The following STYXL1 variants were observed in gnomAD, a reference collection of about 807,000 sequenced individuals.
STYXL1 encodes serine/threonine/tyrosine interacting like 1, also known as serine/threonine/tyrosine-interacting-like protein 1.
In STYXL1, 32 loss-of-function variants were observed where a neutral mutation model predicts 36.4. That is an observed-to-expected ratio of 0.88 (90% CI 0.66 to 1.18). The LOEUF is 1.18. Ranked by LOEUF, STYXL1 falls within the 50% of genes most tolerant of loss-of-function variation. The pLI is 0.00. For synonymous variants in STYXL1, 133 were observed against 144.1 expected, an observed-to-expected ratio of 0.92 and a Z score of 0.55; for missense variants, 354 against 394.1, an observed-to-expected ratio of 0.90 and a Z score of 0.86.
At chr7:76,013,591 AT>A in intron 5 of STYXL1, 150 bp downstream of exon 5, 1 of 1,133,402 alleles carries the variant, frequency 8.8e-7, no homozygotes, top group Non-Finnish European at 1.3e-6. Context: ...CGCCCAGCTA[AT>A]TTTTGTGTTT....
rs782245806 is a variant in STYXL1, at chr7:76,046,274, CTGTGTGTGTG to C, written c.-5+1378_-5+1387del. Among the ~76,000 whole-genome samples, 387 of 102,942 alleles carry C rather than the reference CTGTGTGTGTG, an allele frequency of 3.8e-3. 2 individuals carry two copies. The highest frequency in any genetic ancestry group is 0.011 in the African/African-American group (251 of 22,764). 67.5% of individuals were successfully genotyped at this position (102,942 alleles called of 152,430 possible). On this transcript the variant is annotated intron_variant, in intron 1 of 8. Coordinates refer to ENST00000359697, the MANE Select transcript of STYXL1 (RefSeq NM_001317785.2). ...CTTCCAGCATGTCTCAGCTTATCTG[CTGTGTGTGTG>C]TGTGTGTGTGTGTGTGTGTGTGTGT... is the stretch of plus-strand genomic sequence containing the variant.
intron 8 of STYXL1, 129 bp from the exon 9 acceptor site, chr7:75,996,728 A>G (rs1038934749): frequency 8.2e-6 from 7 of 854,152 alleles, no homozygotes; most frequent in Non-Finnish European, 1.3e-5. Flanking sequence ...GGCTGGATGC[A>G]GAAACAGGGC....
At chr7:76,012,128 T>A (rs1025768776) in intron 5 of STYXL1, among the ~76,000 whole-genome samples, 1 of 152,158 alleles carries the variant, frequency 6.6e-6, no homozygotes, top group Non-Finnish European at 1.5e-5. Context: ...GGTGAAACCC[T>A]GTCTCTACTA....
chr7:76,041,971 T>G (rs1554582253), intron 1 of STYXL1, among the ~76,000 whole-genome samples: 4 of 152,234 alleles, frequency 2.6e-5, no homozygotes, highest in African/African-American at 9.6e-5. Flanking sequence ...ACTTGAGACC[T>G]ATATACTTCA....
chr7:76,021,725 C>CAA lies in STYXL1; in HGVS notation c.307+124_307+125dup, dbSNP rs1256103132. The CAA allele has an allele frequency of 4.1e-6, 3 of 734,270 alleles. No homozygotes were observed. The Admixed American group carries it at 6.4e-5, about 16-fold the overall frequency. 45.5% of individuals were successfully genotyped at this position (734,270 alleles called of 1,614,324 possible). A position where few individuals can be genotyped will look rare whatever the true frequency, so the allele number is the denominator to read the frequency against. The stretch of plus-strand genomic sequence containing the variant: ...TGATCATGAAGCTCTTTTTCTGACG[C>CAA]AAACCCTGCTGTCTCAGTGTCATTG... On this transcript the variant is annotated intron_variant, in intron 4 of 8. Transcript: ENST00000359697.
At chr7:76,041,790 A>G (rs1249389605) in intron 1 of STYXL1, among the ~76,000 whole-genome samples, 2 of 152,240 alleles carry the variant, frequency 1.3e-5, no homozygotes, top group Non-Finnish European at 2.9e-5. Context: ...ATATTTTCCT[A>G]TCCGATGACA....
At chr7:76,041,729 T>C (rs188357995) in intron 1 of STYXL1, among the ~76,000 whole-genome samples, 1 of 152,346 alleles carries the variant, frequency 6.6e-6, no homozygotes. Context: ...ATCTCAAGCA[T>C]TCTGTGACAG....
At chr7:76,012,220 C>T (rs1025622957) in intron 5 of STYXL1, among the ~76,000 whole-genome samples, 2 of 152,242 alleles carry the variant, frequency 1.3e-5, no homozygotes, top group East Asian at 1.9e-4. Flanking sequence ...AATCCTCCTG[C>T]CTTGGCCTCC....
chr7:76,000,218 CAAAAAAAAAAAA>C (rs35153306), intron 8 of STYXL1, among the ~76,000 whole-genome samples: 21 of 69,456 alleles, frequency 3.0e-4, no homozygotes, highest in South Asian at 1.1e-3. Context: ...GACTCCATCT[CAAAAAAAAAAAA>C]AAAAAAAAAA....
intron 8 of STYXL1, among the ~76,000 whole-genome samples, chr7:75,997,545 G>GA (rs1231376284): frequency 2.0e-5 from 3 of 152,152 alleles, no homozygotes; most frequent in African/African-American, 7.2e-5. Context: ...CTAAGATCGG[G>GA]AACAAGGCAA....
At chr7:76,005,214 T>TAA in intron 6 of STYXL1, 45 bp downstream of exon 6, 1 of 1,123,980 alleles carries the variant, frequency 8.9e-7, no homozygotes, top group Non-Finnish European at 1.1e-6. Flanking sequence ...AAATATTATA[T>TAA]AAAAAATAAA....
At position 76,013,785 on chromosome 7, in the gene STYXL1, G is replaced by A. The variant is rs782646288; in HGVS notation, c.410C>T (p.Thr137Met). 2.4e-5 allele frequency: 38 copies of A among 1,613,862 alleles called. No individual in the cohort carries two copies. The highest frequency in any genetic ancestry group is 1.6e-4 in the African/African-American group (12 of 74,888). ...CTTCTGGGTCCGGAGAAAGTGGTAC[G>A]TGCCTGAGAAGCGCTCATAGCCCCC... ...LKGGYERFSG[T>M]YHFLRTQKII... Residue 137 changes from threonine (T) to methionine (M), a missense_variant, in exon 5 of 9, where the codon ACG becomes ATG. Transcript: ENST00000359697.
At chr7:76,013,087 A>G (rs1792777322) in intron 5 of STYXL1, among the ~76,000 whole-genome samples, 1 of 152,186 alleles carries the variant, frequency 6.6e-6, no homozygotes, top group South Asian at 2.1e-4. Context: ...CACTTTGGAA[A>G]GCCGAGGCAG....
At chr7:76,046,185 T>G (rs1289028036) in intron 1 of STYXL1, among the ~76,000 whole-genome samples, 3 of 152,180 alleles carry the variant, frequency 2.0e-5, no homozygotes, top group Admixed American at 6.5e-5. Context: ...TTGAGAATTC[T>G]GATTCCAAGG....
intron 8 of STYXL1, among the ~76,000 whole-genome samples, chr7:75,997,786 T>C (rs1554564566): frequency 6.6e-6 from 1 of 152,022 alleles, no homozygotes; most frequent in African/African-American, 2.4e-5. Flanking sequence ...AAAACCAACA[T>C]GCAAAAATTA....
intron 5 of STYXL1, among the ~76,000 whole-genome samples, chr7:76,011,486 A>C (rs1792546911): frequency 6.6e-6 from 1 of 152,222 alleles, no homozygotes; most frequent in Non-Finnish European, 1.5e-5. Flanking sequence ...TTGCCCAGTC[A>C]TTCTATACTA....
In STYXL1 at chr7:76,026,192, C is replaced by CAAAAAAAAAAAAA. The variant is rs1159067824; in HGVS notation, c.165+2437_165+2449dup. Reference sequence around the variant, plus strand: ...GGAGGACAGAGCAAGACTCTGTCTCCAAAAAAAAAAAAAAAAAAAAAAAAA... The same window carrying CAAAAAAAAAAAAA: ...GGAGGACAGAGCAAGACTCTGTCTCCAAAAAAAAAAAAAAAAAAAAAAAAAAAAAAAAAAAAAA... On this transcript the variant is annotated intron_variant, in intron 3 of 8. Coordinates refer to ENST00000359697, the MANE Select transcript of STYXL1 (RefSeq NM_001317785.2). Among the ~76,000 whole-genome samples, 12 of 18,624 alleles carry CAAAAAAAAAAAAA rather than the reference C, an allele frequency of 6.4e-4. 4 individuals carry two copies. Among genetic ancestry groups the CAAAAAAAAAAAAA allele is most frequent in the African/African-American group, 7.1e-4 (3 of 4,216 alleles). The allele number at this position is 18,624 out of a possible 152,430, so 12.2% of individuals were successfully genotyped here.
chr7:76,006,165 G>C (rs1267048094), intron 5 of STYXL1, among the ~76,000 whole-genome samples: 3 of 151,992 alleles, frequency 2.0e-5, no homozygotes, highest in Admixed American at 6.6e-5. Flanking sequence ...TTATCTTCCT[G>C]GGCTCAAATG....
In STYXL1 at chr7:75,998,355, T is replaced by C. The variant is rs561783324; in HGVS notation, c.811-1756A>G. The stretch of plus-strand genomic sequence containing the variant: ...CTCTGTTGCCCAGGCTGGAGTGCAA[T>C]TGTGCAATCTCAGCTTACTGCAACC... On this transcript the variant is annotated intron_variant, in intron 8 of 8. Transcript: ENST00000359697. Among the ~76,000 whole-genome samples the C allele has an allele frequency of 4.6e-5, 7 of 151,220 alleles. No individual in the cohort carries two copies. The South Asian group carries it at 6.3e-4, about 14-fold the overall frequency.
Sources: allele counts gnomAD v4.1 joint callset (sites outside exome capture counted in the v4.1 genomes callset), GRCh38; gene constraint gnomAD v4.1.1; transcripts MANE v1.5; gene names NCBI Gene and HGNC (gene_info 2026-07-23, HGNC 2026-07-21).